The following STXBP5L variants were observed in gnomAD, a reference collection of about 807,000 sequenced individuals.
STXBP5L encodes the protein syntaxin binding protein 5L.
Under a neutral mutation model 144.5 loss-of-function variants are expected in STXBP5L, and 65 were observed. The ratio of observed to expected loss-of-function variants is 0.45; its 90% confidence interval spans 0.37 to 0.55. The LOEUF (loss-of-function observed/expected upper bound fraction) is 0.55, where lower values mean the gene tolerates loss of function less well. STXBP5L is among the 20% of genes least tolerant of loss of function. The pLI is 0.00. For missense variants in STXBP5L, 1,298 were observed against 1,405.5 expected, an observed-to-expected ratio of 0.92 and a Z score of 1.22; for synonymous variants, 505 against 469.6, an observed-to-expected ratio of 1.08 and a Z score of -0.97.
chr3:121,097,239 T>G (rs949033789), intron 5 of STXBP5L, among the ~76,000 whole-genome samples: 2 of 152,134 alleles, frequency 1.3e-5, no homozygotes, highest in Non-Finnish European at 2.9e-5. Context: ...CAGTGAGAAT[T>G]TCAAGCCAGT....
intron 18 of STXBP5L, among the ~76,000 whole-genome samples, chr3:121,270,412 T>C (rs1331507481): frequency 6.6e-6 from 1 of 152,124 alleles, no homozygotes; most frequent in East Asian, 1.9e-4. Flanking sequence ...GCATTGCTTT[T>C]AGTTTTCATT....
rs571868461 is a variant in STXBP5L, at chr3:120,922,674, G to C, written c.189+12907G>C. Among the ~76,000 whole-genome samples, 5 of 151,944 alleles carry C rather than the reference G, an allele frequency of 3.3e-5. No individual in the cohort carries two copies. The South Asian group carries it at 1.0e-3, about 32-fold the overall frequency. ...TTTGCTGAGGGTTTTTCTCATAAAG[G>C]GATATTGAATTTTATCAAATTCTTT... On this transcript the variant is annotated intron_variant, in intron 2 of 26. Transcript: ENST00000471454.
intron 7 of STXBP5L, among the ~76,000 whole-genome samples, chr3:121,125,284 C>T (rs1209638625): frequency 6.6e-6 from 1 of 152,064 alleles, no homozygotes; most frequent in Non-Finnish European, 1.5e-5. Flanking sequence ...GCCTGGCCAA[C>T]ATGGTGGAAC....
At chr3:121,170,763 CAA>C (rs1206637621) in intron 9 of STXBP5L, among the ~76,000 whole-genome samples, 1 of 152,086 alleles carries the variant, frequency 6.6e-6, no homozygotes, top group Non-Finnish European at 1.5e-5. Context: ...TCCCAGGGTA[CAA>C]AGAGGAGATG....
intron 5 of STXBP5L, among the ~76,000 whole-genome samples, chr3:121,090,184 C>T (rs1216011406): frequency 6.6e-6 from 1 of 152,016 alleles, no homozygotes; most frequent in African/African-American, 2.4e-5. Context: ...TTTATTTAAA[C>T]CCCTTTTTTA....
chr3:121,119,195 A>T (rs1375207391), intron 6 of STXBP5L, among the ~76,000 whole-genome samples: 1 of 151,492 alleles, frequency 6.6e-6, no homozygotes, highest in Non-Finnish European at 1.5e-5. Flanking sequence ...AAAAATTTGG[A>T]CTTTTTGGTG....
intron 20 of STXBP5L, among the ~76,000 whole-genome samples, chr3:121,355,057 C>T (rs2045453264): frequency 1.3e-5 from 2 of 152,220 alleles, no homozygotes; most frequent in Non-Finnish European, 2.9e-5. Flanking sequence ...AAGAGATCCG[C>T]TGTTAGTCTG....
intron 19 of STXBP5L, among the ~76,000 whole-genome samples, chr3:121,284,816 C>T (rs1577364918): frequency 6.6e-6 from 1 of 152,012 alleles, no homozygotes; most frequent in Admixed American, 6.6e-5. Context: ...AAGAAATCCC[C>T]GTGTCTCTAC....
intron 3 of STXBP5L, among the ~76,000 whole-genome samples, chr3:120,965,093 C>T (rs774810549): frequency 1.3e-5 from 2 of 152,066 alleles, no homozygotes; most frequent in African/African-American, 2.4e-5. Context: ...AGGATTGCAA[C>T]CCCTGGTTTT....
intron 3 of STXBP5L, among the ~76,000 whole-genome samples, chr3:121,038,495 A>T (rs966061130): frequency 6.6e-6 from 1 of 151,870 alleles, no homozygotes; most frequent in Non-Finnish European, 1.5e-5. Flanking sequence ...AAATGCTTTG[A>T]TACTTGTTTT....
At chr3:121,034,933 CA>C in intron 3 of STXBP5L, among the ~76,000 whole-genome samples, 1 of 152,102 alleles carries the variant, frequency 6.6e-6, no homozygotes, top group East Asian at 1.9e-4. Context: ...GATGATATCT[CA>C]TTGTGGTTTT....
chr3:121,143,911 G>T (rs180820262), intron 7 of STXBP5L, among the ~76,000 whole-genome samples: 6 of 151,702 alleles, frequency 4.0e-5, no homozygotes, highest in African/African-American at 1.5e-4. Context: ...GCTTCATGAC[G>T]CTGGTTTTGA....
At chr3:120,924,404 A>G (rs1709504003) in intron 2 of STXBP5L, among the ~76,000 whole-genome samples, 1 of 152,204 alleles carries the variant, frequency 6.6e-6, no homozygotes, top group African/African-American at 2.4e-5. Flanking sequence ...TAGAAATGAA[A>G]TCTACATTAA....
At chr3:121,380,741 T>TA (rs971535309) in intron 21 of STXBP5L, among the ~76,000 whole-genome samples, 11 of 152,144 alleles carry the variant, frequency 7.2e-5, no homozygotes, top group Non-Finnish European at 1.5e-4. Flanking sequence ...TTCAGGGAGA[T>TA]AAAATTTGCA....
At chr3:121,054,585 G>C (rs1016949648) in intron 5 of STXBP5L, among the ~76,000 whole-genome samples, 1 of 112,672 alleles carries the variant, frequency 8.9e-6, no homozygotes, top group East Asian at 2.8e-4. Flanking sequence ...TCCAGGGCCT[G>C]TTGTGGGGTG....
intron 8 of STXBP5L, among the ~76,000 whole-genome samples, chr3:121,155,980 C>T (rs1196998895): frequency 3.3e-5 from 5 of 151,800 alleles, no homozygotes; most frequent in African/African-American, 9.7e-5. Context: ...TCAAAGTTAA[C>T]ATGTAGGGGA....
At chr3:121,283,896 TGTGTGTGTGTG>T (rs1559934644) in intron 19 of STXBP5L, among the ~76,000 whole-genome samples, 12 of 99,746 alleles carry the variant, frequency 1.2e-4, no homozygotes, top group South Asian at 6.2e-4. Flanking sequence ...TGTGTGTGCT[TGTGTGTGTGTG>T]TGTGTGTGTG....
At chr3:121,142,222 A>G (rs1293640410) in intron 7 of STXBP5L, among the ~76,000 whole-genome samples, 1 of 152,010 alleles carries the variant, frequency 6.6e-6, no homozygotes, top group African/African-American at 2.4e-5. Flanking sequence ...GATTATAAAT[A>G]TATACACATC....
chr3:121,005,584 C>G (rs1261916164), intron 3 of STXBP5L, among the ~76,000 whole-genome samples: 4 of 151,932 alleles, frequency 2.6e-5, no homozygotes, highest in Non-Finnish European at 4.4e-5. Flanking sequence ...TATTTCTTGC[C>G]TTCTGCTAGC....
Sources: gnomAD v4.1 joint callset for allele counts (sites outside exome capture counted in the v4.1 genomes callset) on GRCh38, gnomAD v4.1.1 for gene constraint, MANE v1.5 for transcripts, NCBI Gene and HGNC (gene_info 2026-07-23, HGNC 2026-07-21) for gene names.